Variants in ABCA12 observed in about 807,000 individuals in gnomAD.
ABCA12 encodes glucosylceramide transporter ABCA12.
Under a neutral mutation model 293.5 loss-of-function variants are expected in ABCA12, and 156 were observed. That is an observed-to-expected ratio of 0.53 (90% CI 0.47 to 0.61). The LOEUF (loss-of-function observed/expected upper bound fraction) is 0.61, where lower values mean the gene tolerates loss of function less well. ABCA12 is among the 20% of genes least tolerant of loss of function. The probability of loss-of-function intolerance (pLI) is 0.00; values close to 1 mark genes in which losing one functional copy is unlikely to be tolerated. For synonymous variants in ABCA12, 1,063 were observed against 1,108.0 expected (o/e 0.96, Z 0.81); for missense variants, 2,797 against 3,090.2 (o/e 0.91, Z 2.25).
intron 2 of ABCA12, among the ~76,000 whole-genome samples, chr2:215,078,433 G>A (rs1701875067): frequency 6.6e-6 from 1 of 152,210 alleles, no homozygotes; most frequent in African/African-American, 2.4e-5. Context: ...CTGTATGGAT[G>A]CTATCATAGA....
At chr2:215,073,973 ACT>A (rs779259192) in intron 2 of ABCA12, among the ~76,000 whole-genome samples, 4 of 152,090 alleles carry the variant, frequency 2.6e-5, no homozygotes, top group African/African-American at 4.8e-5. Flanking sequence ...CATATTAAAG[ACT>A]CTGAAAAGTT....
intron 5 of ABCA12, among the ~76,000 whole-genome samples, chr2:215,051,089 T>A (rs1701311626): frequency 6.6e-6 from 1 of 152,122 alleles, no homozygotes; most frequent in African/African-American, 2.4e-5. Flanking sequence ...GAGAATAGCA[T>A]TGCTCTTCTA....
intron 13 of ABCA12, among the ~76,000 whole-genome samples, chr2:215,019,041 T>C (rs1700566354): frequency 6.6e-6 from 1 of 152,270 alleles, no homozygotes; most frequent in Non-Finnish European, 1.5e-5. Flanking sequence ...CCCTTGCAGC[T>C]GACTATGGGA....
rs2105992968 is a variant in ABCA12 at position 215,004,231 on chromosome 2, T to C, written c.2661A>G (p.Leu887=). Residue 887 remains leucine, a synonymous_variant, in exon 20 of 53, where the codon CTA becomes CTG. Transcript: ENST00000272895. ...CACCGAGTTCATCTATCTGTTTCAA[T>C]AGTTCAACAGCATCGAGTCCCACGG... ...KFSVGLDAVE[L]LKQIDELDIL... The C allele has an allele frequency of 1.2e-6, 2 of 1,614,000 alleles. No homozygotes were observed. Among genetic ancestry groups the C allele is most frequent in the South Asian group, 1.1e-5 (1 of 91,062 alleles).
chr2:215,123,738 A>AT (rs1212578238), intron 1 of ABCA12, among the ~76,000 whole-genome samples: 1 of 148,740 alleles, frequency 6.7e-6, no homozygotes, highest in Non-Finnish European at 1.5e-5. Flanking sequence ...AACATCTGTT[A>AT]TTTTTTGGCT....
chr2:214,985,946 G>A (rs1699775805), intron 28 of ABCA12, among the ~76,000 whole-genome samples: 1 of 152,186 alleles, frequency 6.6e-6, no homozygotes. Context: ...TAGGTGAGGA[G>A]TGAGAAAGAA....
chr2:214,974,022 C>T lies in ABCA12; in HGVS notation c.5489G>A (p.Ser1830Asn). The change falls in exon 36 of 53, where the codon AGT becomes AAT. Residue 1830 changes from serine to asparagine, a missense_variant. Ser to Asn is a conservative substitution (Grantham distance 46). Coordinates refer to ENST00000272895, the MANE Select transcript of ABCA12 (RefSeq NM_173076.3). The part of the protein sequence containing the change: ...TSDLQCLNKD[S>N]LEKWNTSGEP... The stretch of plus-strand genomic sequence containing the variant: ...TCCACTGGTGTTCCATTTTTCCAGA[C>T]TGTCTTTGTTTAAACACTGTCTGCA... 6.2e-7 allele frequency: 1 copy of T among 1,613,952 alleles called. No homozygotes were observed. The highest frequency in any genetic ancestry group is 8.5e-7 in the Non-Finnish European group (1 of 1,179,932).
rs1380824635 is a variant in ABCA12 at position 214,955,076 on chromosome 2, A to C, written c.6393+126T>G. On this transcript the variant is annotated intron_variant, in intron 43 of 52. Coordinates refer to ENST00000272895, the MANE Select transcript of ABCA12 (RefSeq NM_173076.3). ...GCCCAAAAAGAATTTTAAAAGCTGT[A>C]GTTTCTCCTCTCCCAAATTTAATAG... is the stretch of plus-strand genomic sequence containing the variant. 3 of 1,210,802 alleles carry C rather than the reference A, an allele frequency of 2.5e-6. No homozygotes were observed. The African/African-American group carries it at 4.6e-5, about 19-fold the overall frequency. The allele number at this position is 1,210,802 out of a possible 1,614,324, so 75.0% of individuals were successfully genotyped here.
intron 14 of ABCA12, chr2:215,017,637 ATTCTTTTT>A (rs1382485354): frequency 5.1e-6 from 1 of 196,342 alleles, no homozygotes; most frequent in East Asian, 1.3e-4. Context: ...AGTGAATATA[ATTCTTTTT>A]TTTTTTTTTT....
intron 26 of ABCA12, among the ~76,000 whole-genome samples, chr2:214,988,024 C>A (rs1186393390): frequency 1.6e-4 from 24 of 152,044 alleles, no homozygotes; most frequent in Non-Finnish European, 1.5e-5. Context: ...TCTAACTGTA[C>A]ACTTATTGTA....
chr2:215,129,502 G>A (rs765403282), intron 1 of ABCA12, among the ~76,000 whole-genome samples: 2 of 152,162 alleles, frequency 1.3e-5, no homozygotes. Context: ...ATTTTTTCAT[G>A]TGTTGGTTGA....
intron 2 of ABCA12, among the ~76,000 whole-genome samples, chr2:215,092,670 CTCCTA>C (rs1702171680): frequency 6.6e-6 from 1 of 152,178 alleles, no homozygotes; most frequent in African/African-American, 2.4e-5. Context: ...CCTTACAACT[CTCCTA>C]TCCTACCTGT....
chr2:215,070,956 G>C (rs1052141266), intron 2 of ABCA12, among the ~76,000 whole-genome samples: 11 of 152,016 alleles, frequency 7.2e-5, no homozygotes, highest in African/African-American at 2.7e-4. Context: ...AAGACGGATG[G>C]ATTGCTTAAG....
chr2:214,980,410 G>T, intron 31 of ABCA12, 73 bp downstream of exon 31: 1 of 1,582,900 alleles, frequency 6.3e-7, no homozygotes, highest in Non-Finnish European at 8.6e-7. Flanking sequence ...TAAAGTTGGA[G>T]AGACTCTGCT....
chr2:214,991,634 A>G (rs1699914315), intron 23 of ABCA12, among the ~76,000 whole-genome samples: 1 of 152,212 alleles, frequency 6.6e-6, no homozygotes, highest in African/African-American at 2.4e-5. Context: ...ACTTACTGGC[A>G]GTCTAGGTCA....
At chr2:215,051,135 G>T (rs1179943438) in intron 5 of ABCA12, among the ~76,000 whole-genome samples, 1 of 152,106 alleles carries the variant, frequency 6.6e-6, no homozygotes, top group Non-Finnish European at 1.5e-5. Context: ...ATGCAAGACT[G>T]TCTACTTCTA....
intron 14 of ABCA12, among the ~76,000 whole-genome samples, chr2:215,016,582 C>CAAAAA (rs71041981): frequency 0.027 from 802 of 29,934 alleles, 213 homozygotes; most frequent in African/African-American, 0.04. Flanking sequence ...GACTCTGTCT[C>CAAAAA]AAAAAAAAAA....
chr2:214,978,538 T>A, intron 32 of ABCA12, 72 bp from the exon 33 acceptor site: 8 of 1,548,706 alleles, frequency 5.2e-6, no homozygotes, highest in Non-Finnish European at 7.0e-6. Context: ...AGCTTACCTT[T>A]GATTTTGAAC....
At chr2:215,131,451 G>C (rs936943031) in intron 1 of ABCA12, among the ~76,000 whole-genome samples, 2 of 151,010 alleles carry the variant, frequency 1.3e-5, no homozygotes, top group African/African-American at 4.9e-5. Context: ...ATTTCTTCCT[G>C]GTTTAATCTT....
Sources: allele counts gnomAD v4.1 joint callset (sites outside exome capture counted in the v4.1 genomes callset), GRCh38; gene constraint gnomAD v4.1.1; transcripts MANE v1.5; gene names NCBI Gene and HGNC (gene_info 2026-07-23, HGNC 2026-07-21).